TNS3: variants seen among roughly 807,000 people sequenced by gnomAD.
TNS3 encodes tensin 3, also known as tensin-3.
Under a neutral mutation model 140.9 loss-of-function variants are expected in TNS3, and 45 were observed. The observed-to-expected ratio is 0.32, with a 90% CI of 0.25 to 0.41. The LOEUF (loss-of-function observed/expected upper bound fraction) is 0.41, where lower values mean the gene tolerates loss of function less well. Among genes scored for constraint, TNS3 ranks in the 10% least tolerant of loss-of-function variants. The pLI is 1.00. For synonymous variants in TNS3, 815 were observed against 788.4 expected, an observed-to-expected ratio of 1.03 and a Z score of -0.56; for missense variants, 1,716 against 1,906.7, an observed-to-expected ratio of 0.90 and a Z score of 1.86.
intron 4 of TNS3, among the ~76,000 whole-genome samples, chr7:47,457,881 G>A (rs1444318928): frequency 2.0e-5 from 3 of 152,080 alleles, no homozygotes; most frequent in Non-Finnish European, 2.9e-5. Flanking sequence ...GTAAAAACAG[G>A]GACAATGACA....
intron 20 of TNS3, among the ~76,000 whole-genome samples, chr7:47,320,004 C>T (rs1490584810): frequency 2.0e-5 from 3 of 152,256 alleles, no homozygotes; most frequent in Non-Finnish European, 2.9e-5. Context: ...CTCAGCTTCA[C>T]TTAAACCCTT....
At chr7:47,377,561 A>G (rs1424176927) in intron 16 of TNS3, among the ~76,000 whole-genome samples, 1 of 152,180 alleles carries the variant, frequency 6.6e-6, no homozygotes, top group Non-Finnish European at 1.5e-5. Flanking sequence ...TATATACTAA[A>G]CAGAGCAAAT....
At chr7:47,541,370 G>T (rs753057574) in intron 1 of TNS3, among the ~76,000 whole-genome samples, 1 of 151,880 alleles carries the variant, frequency 6.6e-6, no homozygotes, top group Non-Finnish European at 1.5e-5. Flanking sequence ...ACACACACAT[G>T]CACACACACA....
At chr7:47,470,950 G>GTT (rs546646512) in intron 4 of TNS3, among the ~76,000 whole-genome samples, 1 of 148,016 alleles carries the variant, frequency 6.8e-6, no homozygotes. Context: ...TTTGTTTTTT[G>GTT]TTTTTTTTTA....
chr7:47,531,737 G>A (rs1177617061), intron 1 of TNS3, among the ~76,000 whole-genome samples: 6 of 152,260 alleles, frequency 3.9e-5, no homozygotes, highest in Non-Finnish European at 5.9e-5. Flanking sequence ...AGGTGAGGCT[G>A]GGGCTGCACT....
intron 20 of TNS3, among the ~76,000 whole-genome samples, chr7:47,336,496 A>C (rs980784359): frequency 5.9e-5 from 9 of 152,104 alleles, no homozygotes; most frequent in Non-Finnish European, 1.2e-4. Context: ...ATAAATCTAG[A>C]GATGTTTTGG....
intron 17 of TNS3, 39 bp from the exon 18 acceptor site, chr7:47,346,395 T>C (rs1789345926): frequency 6.2e-7 from 1 of 1,608,920 alleles, no homozygotes; most frequent in Non-Finnish European, 8.5e-7. Flanking sequence ...GGGCGCTTCC[T>C]CAAGGCGGAG....
Position 47,277,958 on chromosome 7 carries a change from CAT to C in TNS3, c.*116_*117del, listed in dbSNP as rs1459996485. On this transcript the variant is annotated 3_prime_UTR_variant, in exon 31 of 31. Transcript: ENST00000311160. ...AGAGCTGGAAGATCCTCTTTCCCCT[CAT>C]GGGCCTGGAATGTCAGGTTTACTAG... 1.7e-6 allele frequency: 2 copies of C among 1,144,660 alleles called. No individual in the cohort carries two copies. Among genetic ancestry groups the C allele is most frequent in the Non-Finnish European group, 2.6e-6 (2 of 770,064 alleles). The allele number at this position is 1,144,660 out of a possible 1,614,324, so 70.9% of individuals were successfully genotyped here. A position where few individuals can be genotyped will look rare whatever the true frequency, so the allele number is the denominator to read the frequency against.
At chr7:47,295,513 A>C (rs1383703765) in intron 24 of TNS3, among the ~76,000 whole-genome samples, 1 of 151,984 alleles carries the variant, frequency 6.6e-6, no homozygotes, top group South Asian at 2.1e-4. Context: ...CCTTATCTCC[A>C]CTCAGAAATA....
rs61383259 is a variant in TNS3, at chr7:47,427,123, CAAAAAAAAAAA to C, written c.389+1178_389+1188del. On this transcript the variant is annotated intron_variant, in intron 9 of 30. Coordinates refer to ENST00000311160, the MANE Select transcript of TNS3 (RefSeq NM_022748.12). ...CCTGGGCAACGAAGCAAGACTCTGT[CAAAAAAAAAAA>C]AAAAAAAAAAACAGAAGTGCTCAGG... Among the ~76,000 whole-genome samples the C allele has an allele frequency of 2.6e-4, 28 of 106,814 alleles. 1 individual carries two copies. In the South Asian group the frequency reaches 9.5e-3, roughly 36 times the overall value. The allele number at this position is 106,814 out of a possible 152,430, so 70.1% of individuals were successfully genotyped here.
intron 2 of TNS3, among the ~76,000 whole-genome samples, chr7:47,515,120 A>G (rs1798736671): frequency 6.6e-6 from 1 of 152,216 alleles, no homozygotes; most frequent in African/African-American, 2.4e-5. Flanking sequence ...AAGAGTAGAG[A>G]TAACAGGGCC....
At chr7:47,312,744 A>AG (rs1454376144) in intron 20 of TNS3, among the ~76,000 whole-genome samples, 1 of 96,856 alleles carries the variant, frequency 1.0e-5, no homozygotes, top group East Asian at 3.6e-4. Context: ...TGTCAGGGGG[A>AG]GGGGGGAGGG....
chr7:47,527,663 A>T (rs1191181683), intron 2 of TNS3, among the ~76,000 whole-genome samples: 1 of 152,246 alleles, frequency 6.6e-6, no homozygotes, highest in Non-Finnish European at 1.5e-5. Flanking sequence ...CTGTAATCCC[A>T]GCACTTTGGG....
intron 17 of TNS3, among the ~76,000 whole-genome samples, chr7:47,358,429 G>A (rs942905969): frequency 2.0e-5 from 3 of 152,164 alleles, no homozygotes; most frequent in Non-Finnish European, 2.9e-5. Flanking sequence ...GAGCCACCGC[G>A]CCTGGCCAAC....
intron 3 of TNS3, among the ~76,000 whole-genome samples, chr7:47,490,946 G>C (rs1443024082): frequency 6.6e-6 from 1 of 152,216 alleles, no homozygotes; most frequent in African/African-American, 2.4e-5. Context: ...TCAGTGCTCT[G>C]TGTCGGGAAG....
chr7:47,491,324 C>A (rs1797807475), intron 3 of TNS3, among the ~76,000 whole-genome samples: 2 of 152,236 alleles, frequency 1.3e-5, no homozygotes, highest in South Asian at 2.1e-4. Context: ...TCTGTCTTTG[C>A]ATCCAGAGAC....
chr7:47,287,868 G>C (rs1296138589), intron 27 of TNS3, among the ~76,000 whole-genome samples: 1 of 152,178 alleles, frequency 6.6e-6, no homozygotes, highest in Non-Finnish European at 1.5e-5. Flanking sequence ...TCTGAATGAA[G>C]TCTTGACTCT....
At chr7:47,575,899 C>T (rs1800664929) in intron 1 of TNS3, among the ~76,000 whole-genome samples, 1 of 147,900 alleles carries the variant, frequency 6.8e-6, no homozygotes, top group Non-Finnish European at 1.5e-5. Flanking sequence ...CCGAGTAATA[C>T]AGATAAAAAA....
chr7:47,548,901 G>C (rs1421479093), intron 1 of TNS3, among the ~76,000 whole-genome samples: 1 of 152,098 alleles, frequency 6.6e-6, no homozygotes, highest in Non-Finnish European at 1.5e-5. Flanking sequence ...CCTGCTGCTC[G>C]GTCTGCACAA....
Sources: gnomAD v4.1 joint callset for allele counts (sites outside exome capture counted in the v4.1 genomes callset) on GRCh38, gnomAD v4.1.1 for gene constraint, MANE v1.5 for transcripts, NCBI Gene and HGNC (gene_info 2026-07-23, HGNC 2026-07-21) for gene names.